MGAT4C: variants seen among roughly 807,000 people sequenced by gnomAD.
The protein encoded by MGAT4C is alpha-1,3-mannosyl-glycoprotein 4-beta-N-acetylglucosaminyltransferase C.
Under a neutral mutation model 40.1 loss-of-function variants are expected in MGAT4C, and 19 were observed. The ratio of observed to expected loss-of-function variants is 0.47; its 90% CI spans 0.33 to 0.70. The LOEUF (loss-of-function observed/expected upper bound fraction) is 0.70. Ranked by LOEUF, MGAT4C falls within the 30% of genes least tolerant of loss-of-function variation. The pLI, the probability that MGAT4C is intolerant of heterozygous loss-of-function variation, is 0.02. For missense variants in MGAT4C, 491 were observed against 563.2 expected, an observed-to-expected ratio of 0.87 and a Z score of 1.30; for synonymous variants, 181 against 187.1, an observed-to-expected ratio of 0.97 and a Z score of 0.27.
chr12:86,656,025 A>C (rs2136541690), intron 2 of MGAT4C, among the ~76,000 whole-genome samples: 1 of 152,186 alleles, frequency 6.6e-6, no homozygotes, highest in South Asian at 2.1e-4. Context: ...TTATCAAATT[A>C]ATTGACTATC....
chr12:86,387,305 T>C (rs1309837633), intron 3 of MGAT4C, among the ~76,000 whole-genome samples: 1 of 152,102 alleles, frequency 6.6e-6, no homozygotes. Flanking sequence ...TAATATTTGA[T>C]ATTGTAAATA....
intron 2 of MGAT4C, among the ~76,000 whole-genome samples, chr12:86,525,963 C>T (rs1482897738): frequency 6.6e-6 from 1 of 152,296 alleles, no homozygotes; most frequent in East Asian, 1.9e-4. Flanking sequence ...GCAGCATGTA[C>T]ACTTGTTGGC....
At chr12:86,217,451 C>T (rs1243899773) in intron 1 of MGAT4C, among the ~76,000 whole-genome samples, 1 of 152,214 alleles carries the variant, frequency 6.6e-6, no homozygotes, top group East Asian at 1.9e-4. Context: ...GTCCCCTCTA[C>T]AGTTTCTTAT....
intron 1 of MGAT4C, among the ~76,000 whole-genome samples, chr12:86,778,433 A>G (rs902117377): frequency 1.2e-4 from 19 of 152,190 alleles, no homozygotes; most frequent in Admixed American, 7.9e-4. Context: ...TCTGTACATA[A>G]TTTAAAACAG....
rs371895934 is a variant in MGAT4C at position 86,356,795 on chromosome 12, G to A, written c.-119-22668C>T. 1.5e-3 allele frequency among the ~76,000 whole-genome samples: 235 copies of A among 152,180 alleles called. 5 individuals are homozygous for A. In the South Asian group the frequency reaches 0.047, roughly 30 times the overall value. ...GGGGAGAGGGGTTGGCCATTGCTGA[G>A]GATTGAGTAGATAAACAAAGTGGCC... On this transcript the variant is annotated intron_variant, in intron 3 of 7. Coordinates refer to the MGAT4C transcript ENST00000548651.
chr12:86,585,926 G>A (rs1961010998), intron 2 of MGAT4C, among the ~76,000 whole-genome samples: 1 of 150,054 alleles, frequency 6.7e-6, no homozygotes, highest in African/African-American at 2.4e-5. Flanking sequence ...ACACTACAAG[G>A]TAGGCACTTT....
At position 86,201,714 on chromosome 12, in the gene MGAT4C, T is replaced by C. The variant is rs1183884583; in HGVS notation, c.-57+54525A>G. On this transcript the variant is annotated intron_variant, in intron 1 of 4. Transcript: ENST00000611864. ...ACAAATTGGTTGTTGGGATTTTTTA[T>C]TGGGGTTTCTTTGAATCTATAGAAT... Among the ~76,000 whole-genome samples the C allele has an allele frequency of 2.0e-5, 3 of 151,996 alleles. No individual in the cohort carries two copies. In the East Asian group the frequency reaches 5.8e-4, roughly 29 times the overall value.
intron 1 of MGAT4C, among the ~76,000 whole-genome samples, chr12:86,833,261 T>C (rs1952967877): frequency 1.3e-5 from 2 of 151,756 alleles, no homozygotes; most frequent in South Asian, 4.1e-4. Context: ...TAAGAATAAT[T>C]TTTAAATTTT....
intron 2 of MGAT4C, among the ~76,000 whole-genome samples, chr12:86,042,224 T>C (rs2136941628): frequency 6.6e-6 from 1 of 152,368 alleles, no homozygotes; most frequent in South Asian, 2.1e-4. Flanking sequence ...GATGAGTTTC[T>C]TGAAGACAGC....
At position 85,972,780 on chromosome 12, in the gene MGAT4C, A is replaced by ATAC. The variant is rs887683274; in HGVS notation, c.*6506_*6508dup. ...ATAATTATTCTAACTTTTTGGAACT[A>ATAC]TACTTTCACTCATTGATGAAGTAAG... On this transcript the variant is annotated 3_prime_UTR_variant, in exon 5 of 5. Coordinates refer to ENST00000611864, the MANE Select transcript of MGAT4C (RefSeq NM_001351288.2). 6.6e-6 allele frequency: 1 copy of ATAC among 151,074 alleles called. No homozygotes were observed. The highest frequency in any genetic ancestry group is 2.4e-5 in the African/African-American group (1 of 41,358). 9.4% of individuals were successfully genotyped at this position (151,074 alleles called of 1,614,324 possible).
intron 1 of MGAT4C, among the ~76,000 whole-genome samples, chr12:86,134,030 T>C (rs547518048): frequency 6.6e-6 from 1 of 152,224 alleles, no homozygotes; most frequent in East Asian, 1.9e-4. Flanking sequence ...CATTTTTTAT[T>C]TTTCTTGAAT....
At chr12:86,436,944 T>G (rs887204789) in intron 2 of MGAT4C, among the ~76,000 whole-genome samples, 1 of 151,788 alleles carries the variant, frequency 6.6e-6, no homozygotes, top group African/African-American at 2.4e-5. Context: ...GTGACAGGTT[T>G]TTTGTTAAGT....
intron 3 of MGAT4C, among the ~76,000 whole-genome samples, chr12:86,352,853 T>G (rs1292677105): frequency 8.1e-6 from 1 of 122,958 alleles, no homozygotes; most frequent in Admixed American, 9.3e-5. Flanking sequence ...AACATCACAC[T>G]CCGGGGTCTG....
At chr12:86,431,863 A>G (rs1957045803) in intron 3 of MGAT4C, among the ~76,000 whole-genome samples, 1 of 152,148 alleles carries the variant, frequency 6.6e-6, no homozygotes, top group Non-Finnish European at 1.5e-5. Context: ...GCACCCAACT[A>G]TTGATACACG....
At chr12:86,184,204 T>C (rs1406453305) in intron 1 of MGAT4C, among the ~76,000 whole-genome samples, 2 of 152,032 alleles carry the variant, frequency 1.3e-5, no homozygotes, top group African/African-American at 4.8e-5. Flanking sequence ...AACAAGTTTT[T>C]GGTCTCTACT....
intron 2 of MGAT4C, among the ~76,000 whole-genome samples, chr12:86,535,246 C>A (rs1371114919): frequency 6.6e-6 from 1 of 152,142 alleles, no homozygotes; most frequent in South Asian, 2.1e-4. Flanking sequence ...TCAATTAAAG[C>A]AACATGAAAC....
chr12:86,274,611 C>T (rs945187361), intron 4 of MGAT4C, among the ~76,000 whole-genome samples: 2 of 152,084 alleles, frequency 1.3e-5, no homozygotes, highest in Admixed American at 6.6e-5. Flanking sequence ...ACCAAGAACT[C>T]CTGGGCAGAT....
intron 3 of MGAT4C, among the ~76,000 whole-genome samples, chr12:85,989,198 T>C (rs1885597957): frequency 6.6e-6 from 1 of 152,036 alleles, no homozygotes; most frequent in Non-Finnish European, 1.5e-5. Context: ...ATATACACCA[T>C]TAAAAATATT....
chr12:86,700,307 G>C (rs1310988572), intron 2 of MGAT4C, among the ~76,000 whole-genome samples: 1 of 151,924 alleles, frequency 6.6e-6, no homozygotes, highest in South Asian at 2.1e-4. Context: ...ATATTGACTA[G>C]AACAGAGTTA....
Sources: allele counts gnomAD v4.1 joint callset (sites outside exome capture counted in the v4.1 genomes callset), GRCh38; gene constraint gnomAD v4.1.1; transcripts MANE v1.5; gene names NCBI Gene and HGNC (gene_info 2026-07-23, HGNC 2026-07-21).